ST6GALNAC5: variants seen among roughly 807,000 people sequenced by gnomAD.
ST6GALNAC5 encodes alpha-N-acetylgalactosaminide alpha-2,6-sialyltransferase 5.
ST6GALNAC5 carries 27 observed loss-of-function variants against 33.6 expected under a neutral mutation model. The ratio of observed to expected loss-of-function variants is 0.80; its 90% CI spans 0.59 to 1.11. ST6GALNAC5 has a LOEUF of 1.11. Among genes scored for constraint, ST6GALNAC5 ranks in the 50% least tolerant of loss-of-function variants. The pLI, the probability that ST6GALNAC5 is intolerant of heterozygous loss-of-function variation, is 0.00. For synonymous variants in ST6GALNAC5, 194 were observed against 171.2 expected (o/e 1.13, Z -1.04); for missense variants, 428 against 454.0 (o/e 0.94, Z 0.52).
chr1:77,001,118 C>G lies in ST6GALNAC5; in HGVS notation c.262-43086C>G, dbSNP rs556004563. The stretch of plus-strand genomic sequence containing the variant: ...TGTTCACGATATTGATTCTTCCTAC[C>G]CATGAGCATGGAATGTTCTTCCATT... On this transcript the variant is annotated intron_variant, in intron 2 of 4. Coordinates refer to ENST00000477717, the MANE Select transcript of ST6GALNAC5 (RefSeq NM_030965.3). Among the ~76,000 whole-genome samples the G allele has an allele frequency of 1.2e-3, 185 of 151,696 alleles. 2 individuals carry two copies. The highest frequency in any genetic ancestry group is 4.4e-3 in the African/African-American group (182 of 41,328).
At chr1:77,009,755 A>G (rs1043039060) in intron 2 of ST6GALNAC5, among the ~76,000 whole-genome samples, 2 of 152,182 alleles carry the variant, frequency 1.3e-5, no homozygotes, top group African/African-American at 2.4e-5. Flanking sequence ...TCATAATTCT[A>G]TCACTGTGGA....
intron 2 of ST6GALNAC5, among the ~76,000 whole-genome samples, chr1:76,875,993 T>A (rs1653630584): frequency 6.6e-6 from 1 of 152,206 alleles, no homozygotes. Context: ...GTAAAGCAAG[T>A]GCCTTGGTCA....
At chr1:76,953,737 C>A (rs986007622) in intron 2 of ST6GALNAC5, among the ~76,000 whole-genome samples, 20 of 152,052 alleles carry the variant, frequency 1.3e-4, no homozygotes, top group Non-Finnish European at 1.5e-5. Context: ...AGATTTACAT[C>A]CTGAATATTT....
intron 2 of ST6GALNAC5, among the ~76,000 whole-genome samples, chr1:76,962,485 A>G (rs1437837111): frequency 6.6e-6 from 1 of 152,230 alleles, no homozygotes; most frequent in Non-Finnish European, 1.5e-5. Flanking sequence ...ACAGAGACCT[A>G]TTTACACAAT....
chr1:77,047,666 G>A (rs1652061920), intron 3 of ST6GALNAC5, among the ~76,000 whole-genome samples: 1 of 152,132 alleles, frequency 6.6e-6, no homozygotes, highest in Non-Finnish European at 1.5e-5. Flanking sequence ...AATTGAATAA[G>A]GGTACATTAG....
intron 2 of ST6GALNAC5, among the ~76,000 whole-genome samples, chr1:76,922,901 A>G (rs549518718): frequency 6.6e-6 from 1 of 151,036 alleles, no homozygotes; most frequent in East Asian, 2.0e-4. Flanking sequence ...ACACCACTAC[A>G]CTCCCGCCTA....
At chr1:76,889,772 T>G (rs1653975208) in intron 2 of ST6GALNAC5, among the ~76,000 whole-genome samples, 1 of 152,130 alleles carries the variant, frequency 6.6e-6, no homozygotes. Flanking sequence ...GTATCTAATC[T>G]GCTATTTAAT....
At chr1:77,021,554 A>G (rs1362852143) in intron 2 of ST6GALNAC5, among the ~76,000 whole-genome samples, 1 of 152,182 alleles carries the variant, frequency 6.6e-6, no homozygotes. Context: ...GCAATAGGCA[A>G]TATCCAATTG....
At chr1:76,978,141 C>T (rs1023991898) in intron 2 of ST6GALNAC5, among the ~76,000 whole-genome samples, 1 of 152,120 alleles carries the variant, frequency 6.6e-6, no homozygotes, top group Non-Finnish European at 1.5e-5. Context: ...AGAAACATCT[C>T]TTCAAGTCTG....
intron 2 of ST6GALNAC5, among the ~76,000 whole-genome samples, chr1:76,893,523 C>T (rs1026352280): frequency 6.6e-5 from 10 of 152,108 alleles, no homozygotes; most frequent in African/African-American, 2.2e-4. Flanking sequence ...TAACTATCCA[C>T]GTCATTGGAA....
rs982954450 is a variant in ST6GALNAC5 at position 76,999,433 on chromosome 1, T to C, written c.262-44771T>C. 7.2e-5 allele frequency among the ~76,000 whole-genome samples: 11 copies of C among 152,002 alleles called. 1 individual carries two copies. Among genetic ancestry groups the C allele is most frequent in the Middle Eastern group, 3.2e-3 (1 of 316 alleles). On this transcript the variant is annotated intron_variant, in intron 2 of 4. Coordinates refer to ENST00000477717, the MANE Select transcript of ST6GALNAC5 (RefSeq NM_030965.3). ...TACAAACTTGCTCCTGCTGTGGAAA[T>C]GGTGACTTGGTTGATCTAGGTTCTG... is the stretch of plus-strand genomic sequence containing the variant.
At chr1:77,030,474 CTG>C (rs1166126906) in intron 2 of ST6GALNAC5, among the ~76,000 whole-genome samples, 1 of 152,184 alleles carries the variant, frequency 6.6e-6, no homozygotes, top group Non-Finnish European at 1.5e-5. Flanking sequence ...GTCATTATGA[CTG>C]TTATTTTGGC....
intron 2 of ST6GALNAC5, among the ~76,000 whole-genome samples, chr1:76,916,151 C>T (rs1346480353): frequency 6.6e-6 from 1 of 152,080 alleles, no homozygotes; most frequent in Non-Finnish European, 1.5e-5. Context: ...ATTGAAAGCA[C>T]TCCTGTACCT....
chr1:76,956,592 A>G (rs1456196074), intron 2 of ST6GALNAC5, among the ~76,000 whole-genome samples: 2 of 152,052 alleles, frequency 1.3e-5, no homozygotes, highest in Non-Finnish European at 2.9e-5. Context: ...TCATGGCCCA[A>G]TATTTACTTT....
At chr1:76,920,649 T>C (rs1647025241) in intron 2 of ST6GALNAC5, among the ~76,000 whole-genome samples, 1 of 152,214 alleles carries the variant, frequency 6.6e-6, no homozygotes, top group Non-Finnish European at 1.5e-5. Flanking sequence ...AGTCACATGC[T>C]GTGTACCTGC....
intron 2 of ST6GALNAC5, among the ~76,000 whole-genome samples, chr1:76,987,544 G>A (rs1025768466): frequency 6.6e-6 from 1 of 152,084 alleles, no homozygotes; most frequent in Non-Finnish European, 1.5e-5. Flanking sequence ...TTTCTCAAAC[G>A]ATTAAGAATA....
At chr1:76,992,193 T>C (rs1297245562) in intron 2 of ST6GALNAC5, among the ~76,000 whole-genome samples, 1 of 152,160 alleles carries the variant, frequency 6.6e-6, no homozygotes, top group Non-Finnish European at 1.5e-5. Flanking sequence ...TGCCCATGTC[T>C]GGCATTAAAA....
At chr1:76,927,956 C>T (rs1490936257) in intron 2 of ST6GALNAC5, among the ~76,000 whole-genome samples, 1 of 152,074 alleles carries the variant, frequency 6.6e-6, no homozygotes, top group East Asian at 1.9e-4. Context: ...AGAGTAACCA[C>T]ATGTTGTAGG....
At chr1:76,923,330 T>TA (rs1157200313) in intron 2 of ST6GALNAC5, among the ~76,000 whole-genome samples, 3 of 151,810 alleles carry the variant, frequency 2.0e-5, no homozygotes, top group Admixed American at 1.3e-4. Context: ...AATGGAGACT[T>TA]ACAGCCATTG....
Sources: allele counts gnomAD v4.1 joint callset (sites outside exome capture counted in the v4.1 genomes callset), GRCh38; gene constraint gnomAD v4.1.1; transcripts MANE v1.5; gene names NCBI Gene and HGNC (gene_info 2026-07-23, HGNC 2026-07-21).